JMY: variants seen among roughly 807,000 people sequenced by gnomAD.
The protein encoded by JMY is junction-mediating and -regulatory protein.
In JMY, 46 loss-of-function variants were observed where a neutral mutation model predicts 103.3. The observed-to-expected ratio is 0.45, with a 90% CI of 0.35 to 0.57. JMY has a LOEUF of 0.57. Ranked by LOEUF, JMY falls within the 20% of genes least tolerant of loss-of-function variation. JMY has a pLI of 0.00. For synonymous variants in JMY, 526 were observed against 489.3 expected (o/e 1.07, Z -0.99); for missense variants, 1,238 against 1,255.2 (o/e 0.99, Z 0.21).
chr5:79,290,010 C>A, intron 2 of JMY, 111 bp from the exon 3 acceptor site: 1 of 710,686 alleles, frequency 1.4e-6, no homozygotes, highest in Non-Finnish European at 2.2e-6. Context: ...ATAGCTTATC[C>A]TCTTGAGCAG....
In JMY at chr5:79,300,753, T is replaced by TA. The variant is rs760423547; in HGVS notation, c.1771_1772insA (p.Ser591TyrfsTer36). ...GCTGGAGAAGGAAGAGATGGCAGCA[T>TA]CTGCGTACTTACAGAGAGAAGAGCT... On this transcript the variant is annotated frameshift_variant, in exon 6 of 11. Transcript: ENST00000396137. LOFTEE classifies it high-confidence loss of function. The TA allele has an allele frequency of 1.2e-6, 2 of 1,612,610 alleles. No individual in the cohort carries two copies. The highest frequency in any genetic ancestry group is 1.7e-6 in the Non-Finnish European group (2 of 1,179,466).
rs1554049733 is a variant in JMY at position 79,270,523 on chromosome 5, ATATATTTACATAAATATTTAAAATG to A, written c.1033-7321_1033-7297del. Among the ~76,000 whole-genome samples the A allele has an allele frequency of 6.6e-3, 318 of 48,208 alleles. 92 individuals are homozygous for A. The highest frequency in any genetic ancestry group is 0.017 in the East Asian group (36 of 2,078). 31.6% of individuals were successfully genotyped at this position (48,208 alleles called of 152,430 possible). A position where few individuals can be genotyped will look rare whatever the true frequency, so the allele number is the denominator to read the frequency against. ...ATATATTTACATAAATATTTAAAAT[ATATATTTACATAAATATTTAAAATG>A]TATATTTACATAAATATTTAAAATG... is the stretch of plus-strand genomic sequence containing the variant. On this transcript the variant is annotated intron_variant, in intron 1 of 10. Coordinates refer to ENST00000396137, the MANE Select transcript of JMY (RefSeq NM_152405.5).
chr5:79,265,566 A>G (rs1316297598), intron 1 of JMY, among the ~76,000 whole-genome samples: 3 of 151,752 alleles, frequency 2.0e-5, no homozygotes, highest in Non-Finnish European at 4.4e-5. Context: ...AGTTAGTTGA[A>G]TTGAACTCTG....
chr5:79,295,840 A>G (rs578211225), intron 4 of JMY, among the ~76,000 whole-genome samples: 1 of 152,318 alleles, frequency 6.6e-6, no homozygotes, highest in East Asian at 1.9e-4. Context: ...GGTGCACACT[A>G]TATATTTCAA....
chr5:79,236,713 C>T lies in JMY; in HGVS notation c.63C>T (p.Phe21=). The stretch of plus-strand genomic sequence containing the variant: ...GGGTGGCTGTGCGGCCCCATGTGTT[C>T]GACGAGCGCGAGAAACACAAATTCG... ...SDWVAVRPHV[F]DEREKHKFVF... Residue 21 remains phenylalanine, a synonymous_variant, in exon 1 of 11, where the codon TTC becomes TTT. Coordinates refer to ENST00000396137, the MANE Select transcript of JMY (RefSeq NM_152405.5). 6.7e-7 allele frequency: 1 copy of T among 1,500,712 alleles called. No homozygotes were observed. Among genetic ancestry groups the T allele is most frequent in the South Asian group, 1.3e-5 (1 of 78,520 alleles). The allele number at this position is 1,500,712 out of a possible 1,614,324, so 93.0% of individuals were successfully genotyped here.
intron 2 of JMY, chr5:79,284,787 A>G (rs1580354562): frequency 4.4e-6 from 7 of 1,577,012 alleles, no homozygotes; most frequent in Non-Finnish European, 6.0e-6. Flanking sequence ...GCATCTTTCC[A>G]ATATTTCTTA....
At chr5:79,305,763 A>G (rs1746862874) in intron 6 of JMY, among the ~76,000 whole-genome samples, 2 of 152,224 alleles carry the variant, frequency 1.3e-5, no homozygotes, top group South Asian at 4.1e-4. Context: ...GTCTGCGACC[A>G]AAAGATTCAG....
chr5:79,294,425 TTAAAA>T (rs1212500191), intron 4 of JMY, among the ~76,000 whole-genome samples: 3 of 151,998 alleles, frequency 2.0e-5, no homozygotes, highest in African/African-American at 7.2e-5. Context: ...TAAAATTAAA[TTAAAA>T]TGAAATGAAA....
chr5:79,302,837 A>G (rs1178947709), intron 6 of JMY, among the ~76,000 whole-genome samples: 2 of 152,212 alleles, frequency 1.3e-5, no homozygotes, highest in Non-Finnish European at 2.9e-5. Context: ...CTCCACCTCA[A>G]TAAGGTTGAG....
chr5:79,282,114 G>A (rs897957365), intron 2 of JMY, among the ~76,000 whole-genome samples: 2 of 152,124 alleles, frequency 1.3e-5, no homozygotes, highest in African/African-American at 4.8e-5. Context: ...GGCTGAGGTG[G>A]GAGAATGACA....
At chr5:79,283,700 C>G (rs1194840965) in intron 2 of JMY, among the ~76,000 whole-genome samples, 1 of 152,180 alleles carries the variant, frequency 6.6e-6, no homozygotes, top group African/African-American at 2.4e-5. Context: ...TGGGCTTCAC[C>G]TCAGATCTTC....
chr5:79,280,020 T>C (rs1372827375), intron 2 of JMY, among the ~76,000 whole-genome samples: 3 of 152,168 alleles, frequency 2.0e-5, no homozygotes, highest in Non-Finnish European at 2.9e-5. Flanking sequence ...TTTTTTGTCG[T>C]AGTTTTTGTG....
At position 79,237,650 on chromosome 5, in the gene JMY, G is replaced by T. The variant is rs369874687; in HGVS notation, c.1000G>T (p.Val334Leu). 4 of 1,613,516 alleles carry T rather than the reference G, an allele frequency of 2.5e-6. No individual in the cohort carries two copies. The highest frequency in any genetic ancestry group is 1.7e-5 in the Admixed American group (1 of 59,970). Residue 334 changes from valine (V) to leucine (L), a missense_variant, in exon 1 of 11, where the codon GTG (valine) becomes TTG (leucine). By Grantham distance (32) the Val-to-Leu change is conservative. Coordinates refer to ENST00000396137, the MANE Select transcript of JMY (RefSeq NM_152405.5). ...GCTGCGGCAGAAGGGCTACGAAGAA[G>T]TGCTTCAGCGGGCCAGGAAGCGCAT... ...SELRQKGYEEVLQRARKRIQE... is the reference protein window; with the variant it reads ...SELRQKGYEELLQRARKRIQE...
At chr5:79,241,593 G>A (rs910369242) in intron 1 of JMY, among the ~76,000 whole-genome samples, 1 of 152,120 alleles carries the variant, frequency 6.6e-6, no homozygotes, top group Non-Finnish European at 1.5e-5. Flanking sequence ...TTAATGGGGC[G>A]TCCTGCCGAG....
In JMY at chr5:79,312,412, A is replaced by G; in HGVS notation, c.1978A>G (p.Lys660Glu). The stretch of plus-strand genomic sequence containing the variant: ...ATTAATTTTTTACCAGAAGAGAGAA[A>G]AATTACATGATGAAGAAGAAAGAAA... ...THHTVQLKRE[K>E]LHDEEERKSA... The change falls in exon 8 of 11, where the codon AAA (lysine) becomes GAA (glutamate). Residue 660 changes from lysine to glutamate, a missense_variant. Lys to Glu is a moderately conservative substitution (Grantham distance 56). Coordinates refer to ENST00000396137, the MANE Select transcript of JMY (RefSeq NM_152405.5). 1 of 1,562,296 alleles carries G rather than the reference A, an allele frequency of 6.4e-7. No individual in the cohort carries two copies. Among genetic ancestry groups the G allele is most frequent in the Non-Finnish European group, 8.7e-7 (1 of 1,155,920 alleles).
At chr5:79,253,271 G>A (rs1015686370) in intron 1 of JMY, among the ~76,000 whole-genome samples, 1 of 151,692 alleles carries the variant, frequency 6.6e-6, no homozygotes, top group African/African-American at 2.4e-5. Context: ...TTGTCTAACC[G>A]TTATTTTTGA....
chr5:79,293,326 G>C (rs1337961713), intron 4 of JMY, among the ~76,000 whole-genome samples: 1 of 151,824 alleles, frequency 6.6e-6, no homozygotes, highest in Non-Finnish European at 1.5e-5. Flanking sequence ...TGTTTGACTT[G>C]AAAGAATTAA....
chr5:79,294,427 A>G (rs1746510293), intron 4 of JMY, among the ~76,000 whole-genome samples: 1 of 152,170 alleles, frequency 6.6e-6, no homozygotes, highest in East Asian at 1.9e-4. Context: ...AAATTAAATT[A>G]AAATGAAATG....
chr5:79,321,095 G>A (rs574022971), intron 10 of JMY, among the ~76,000 whole-genome samples: 10 of 152,270 alleles, frequency 6.6e-5, no homozygotes, highest in African/African-American at 2.4e-4. Context: ...TATTAAGTTG[G>A]TACTTTATTC....
Sources: allele counts gnomAD v4.1 joint callset (sites outside exome capture counted in the v4.1 genomes callset), GRCh38; gene constraint gnomAD v4.1.1; transcripts MANE v1.5; gene names NCBI Gene and HGNC (gene_info 2026-07-23, HGNC 2026-07-21).